STX8: variants seen among roughly 807,000 people sequenced by gnomAD.
The protein encoded by STX8 is syntaxin-8.
In STX8, 23 loss-of-function variants were observed where a neutral mutation model predicts 37.5. The ratio of observed to expected loss-of-function variants is 0.61; its 90% CI spans 0.44 to 0.87. STX8 has a LOEUF of 0.87. STX8 is among the 40% of genes least tolerant of loss of function. STX8 has a pLI of 0.00. For synonymous variants in STX8, 115 were observed against 99.1 expected, an observed-to-expected ratio of 1.16 and a Z score of -0.95; for missense variants, 313 against 284.7, an observed-to-expected ratio of 1.10 and a Z score of -0.71.
chr17:9,428,908 T>C (rs1046176869), intron 6 of STX8, among the ~76,000 whole-genome samples: 3 of 152,150 alleles, frequency 2.0e-5, no homozygotes, highest in Admixed American at 6.6e-5. Flanking sequence ...AGAGGCTCTG[T>C]TGATAGCAAA....
At chr17:9,553,881 G>A (rs1265171935) in intron 3 of STX8, 1 of 152,220 alleles carries the variant, frequency 6.6e-6, no homozygotes. Flanking sequence ...CACAGCCTGT[G>A]TTTGAACCTG....
chr17:9,564,800 A>G (rs189529654), intron 2 of STX8, among the ~76,000 whole-genome samples: 18 of 152,366 alleles, frequency 1.2e-4, no homozygotes, highest in Admixed American at 5.2e-4. Context: ...TATAGATTCA[A>G]TGCCATTCCT....
intron 4 of STX8, 96 bp downstream of exon 4, chr17:9,545,076 G>C (rs1202129456): frequency 2.8e-6 from 2 of 718,404 alleles, no homozygotes; most frequent in African/African-American, 3.6e-5. Context: ...AATAGATTTT[G>C]ATTAATTCCT....
At chr17:9,512,824 A>G (rs1323320970) in intron 4 of STX8, among the ~76,000 whole-genome samples, 1 of 152,182 alleles carries the variant, frequency 6.6e-6, no homozygotes, top group Non-Finnish European at 1.5e-5. Flanking sequence ...CTGAATATGC[A>G]CATGCATAAG....
intron 7 of STX8, among the ~76,000 whole-genome samples, chr17:9,372,148 T>A (rs1333771587): frequency 6.6e-6 from 1 of 152,186 alleles, no homozygotes; most frequent in Non-Finnish European, 1.5e-5. Context: ...ACCCTGAGTA[T>A]GTATGTCCAG....
At chr17:9,472,434 G>A (rs188311423) in intron 6 of STX8, among the ~76,000 whole-genome samples, 46 of 152,338 alleles carry the variant, frequency 3.0e-4, no homozygotes, top group African/African-American at 1.1e-3. Context: ...CCTGGAGGTT[G>A]TCTTGGGGAC....
chr17:9,471,447 G>A (rs570260367), intron 6 of STX8, among the ~76,000 whole-genome samples: 1 of 152,108 alleles, frequency 6.6e-6, no homozygotes, highest in South Asian at 2.1e-4. Flanking sequence ...CACCGCGCCC[G>A]GCCCTAACTG....
intron 7 of STX8, among the ~76,000 whole-genome samples, chr17:9,327,223 A>AGAAGGAG (rs1429974194): frequency 1.4e-5 from 2 of 146,236 alleles, no homozygotes; most frequent in Non-Finnish European, 3.0e-5. Context: ...AGAAGGAGGA[A>AGAAGGAG]GAAGGAGGAA....
At chr17:9,386,763 C>G (rs1344253293) in intron 6 of STX8, among the ~76,000 whole-genome samples, 1 of 152,160 alleles carries the variant, frequency 6.6e-6, no homozygotes, top group East Asian at 1.9e-4. Flanking sequence ...AAAATCAGTT[C>G]CATGGCTGAG....
chr17:9,374,004 C>CT (rs1169560295), intron 7 of STX8, among the ~76,000 whole-genome samples: 3 of 148,490 alleles, frequency 2.0e-5, no homozygotes, highest in Non-Finnish European at 4.5e-5. Context: ...TCTAGAATTT[C>CT]TTTTTTTTAA....
intron 5 of STX8, among the ~76,000 whole-genome samples, chr17:9,496,649 T>G (rs542166758): frequency 6.6e-6 from 1 of 152,352 alleles, no homozygotes; most frequent in African/African-American, 2.4e-5. Context: ...AAAGGGACTT[T>G]GCAGATGTGA....
intron 7 of STX8, among the ~76,000 whole-genome samples, chr17:9,267,571 A>G (rs1463032161): frequency 2.6e-5 from 4 of 152,282 alleles, no homozygotes; most frequent in African/African-American, 9.6e-5. Flanking sequence ...ACAACCAAAC[A>G]TGGCTGCCAG....
chr17:9,518,981 A>G (rs1017930916), intron 4 of STX8, among the ~76,000 whole-genome samples: 1 of 152,202 alleles, frequency 6.6e-6, no homozygotes, highest in Non-Finnish European at 1.5e-5. Flanking sequence ...TGAATTCTGA[A>G]CTAGGGGTGG....
chr17:9,373,901 T>G (rs992243446), intron 7 of STX8, among the ~76,000 whole-genome samples: 2 of 148,566 alleles, frequency 1.3e-5, no homozygotes, highest in Non-Finnish European at 3.0e-5. Context: ...ATTGCACCAT[T>G]GCATTCCAGT....
At chr17:9,406,709 C>T (rs1195129091) in intron 6 of STX8, among the ~76,000 whole-genome samples, 2 of 152,034 alleles carry the variant, frequency 1.3e-5, no homozygotes, top group Non-Finnish European at 2.9e-5. Flanking sequence ...TTTTACGTAG[C>T]TAACTTTTTC....
chr17:9,282,904 C>CTTTTTTT, intron 7 of STX8, among the ~76,000 whole-genome samples: 1 of 149,146 alleles, frequency 6.7e-6, no homozygotes, highest in Non-Finnish European at 1.5e-5. Context: ...GGAGATGAAT[C>CTTTTTTT]TTTTTTTTTT....
At chr17:9,543,692 C>T (rs2142565409) in intron 4 of STX8, among the ~76,000 whole-genome samples, 1 of 152,272 alleles carries the variant, frequency 6.6e-6, no homozygotes, top group African/African-American at 2.4e-5. Context: ...CATACTTCAC[C>T]CCTGTACCCT....
At chr17:9,392,121 CT>C (rs1335202413) in intron 6 of STX8, among the ~76,000 whole-genome samples, 4 of 152,102 alleles carry the variant, frequency 2.6e-5, no homozygotes, top group African/African-American at 9.7e-5. Flanking sequence ...CAATTGCCTG[CT>C]AAAATAAAAA....
intron 6 of STX8, among the ~76,000 whole-genome samples, chr17:9,401,631 A>T (rs1005205689): frequency 6.6e-6 from 1 of 152,174 alleles, no homozygotes; most frequent in Non-Finnish European, 1.5e-5. Context: ...TTTCAGGTCT[A>T]ACTCCAGACT....
Sources: gnomAD v4.1 joint callset for allele counts (sites outside exome capture counted in the v4.1 genomes callset) on GRCh38, gnomAD v4.1.1 for gene constraint, MANE v1.5 for transcripts, NCBI Gene and HGNC (gene_info 2026-07-23, HGNC 2026-07-21) for gene names.